The following ARMCX4 variants were observed in gnomAD, a reference collection of about 807,000 sequenced individuals.
The protein encoded by ARMCX4 is armadillo repeat containing X-linked 4, also known as armadillo repeat-containing X-linked protein 4.
Under a neutral mutation model 34.7 loss-of-function variants are expected in ARMCX4, and 3 were observed. The observed-to-expected ratio is 0.09, with a 90% CI of 0.04 to 0.22. ARMCX4 has a LOEUF of 0.22. Among genes scored for constraint, ARMCX4 ranks in the 10% least tolerant of loss-of-function variants. The pLI, the probability that ARMCX4 is intolerant of heterozygous loss-of-function variation, is 1.00. For synonymous variants in ARMCX4, 513 were observed against 632.8 expected (o/e 0.81, Z 2.84); for missense variants, 1,448 against 1,720.8 (o/e 0.84, Z 2.81).
chrX:101,425,506 G>C (rs1281970175), intron 2 of ARMCX4, among the ~76,000 whole-genome samples: 1 of 107,954 alleles, frequency 9.3e-6, no homozygotes, highest in Non-Finnish European at 1.9e-5. Context: ...CAATTTTCCT[G>C]CCTCAGCCTC....
In ARMCX4 at chrX:101,430,086, T is replaced by G. The variant is rs571794331; in HGVS notation, n.164+11086T>G. On this transcript the variant is annotated intron_variant and non_coding_transcript_variant, in intron 2 of 3. Coordinates refer to the ARMCX4 transcript ENST00000430461. ...TGTTCTATATCTTTCCTTGAGCAGA[T>G]GTAATAAGACATTACAGACATCTGA... Among the ~76,000 whole-genome samples the G allele has an allele frequency of 7.0e-4, 78 of 111,971 alleles. 1 individual carries two copies. In the South Asian group the frequency reaches 0.028, roughly 40 times the overall value.
chrX:101,444,087 A>G, exon 3 of ARMCX4: 1 of 339,814 alleles, frequency 2.9e-6, no homozygotes, highest in Admixed American at 3.1e-5. Flanking sequence ...TGTCTTTGGA[A>G]CTTTGTCTAC....
Position 101,492,305 on chromosome X carries a change from G to A in ARMCX4, c.3716G>A (p.Gly1239Asp). The change falls in exon 6 of 6, where the codon GGT becomes GAT. Residue 1239 changes from glycine to aspartate, a missense_variant. Around this residue, in one of 2 missense-constraint regions of ARMCX4, gnomAD observed 1,343 missense variants for 1,540.7 expected, o/e 0.87. Coordinates refer to ENST00000423738, the MANE Select transcript of ARMCX4 (RefSeq NM_001256155.3). ...GCCATTGGAGAGCTTTGGGCTGCGG[G>A]TCAGGCCAGTGATGGGTCCTGGCCT... The part of the protein sequence containing the change: ...NQAIGELWAA[G>D]QASDGSWPGG... The A allele has an allele frequency of 8.7e-7, 1 of 1,146,100 alleles. No individual in the cohort carries two copies. The highest frequency in any genetic ancestry group is 1.2e-6 in the Non-Finnish European group (1 of 867,854). The allele number at this position is 1,146,100 out of a possible 1,213,427, so 94.5% of individuals were successfully genotyped here.
chrX:101,488,152 A>G, intron 5 of ARMCX4, 53 bp downstream of exon 5: 1 of 499,986 alleles, frequency 2.0e-6, no homozygotes, highest in East Asian at 8.8e-5. Context: ...GGTCCAGTAG[A>G]AATCAAAGTC....
downstream of ARMCX4, among the ~76,000 whole-genome samples, chrX:101,534,259 T>A (rs1935182767): frequency 9.0e-6 from 1 of 111,348 alleles, no homozygotes; most frequent in Non-Finnish European, 1.9e-5. Context: ...GTAGAAAAAC[T>A]GGGTTGTTGG....
intron 11 of ARMCX4, among the ~76,000 whole-genome samples, chrX:101,519,619 C>T (rs1407273179): frequency 9.0e-6 from 1 of 111,624 alleles, no homozygotes; most frequent in Non-Finnish European, 1.9e-5. Context: ...GTGAATAATG[C>T]TGCAATAAAC....
At chrX:101,482,384 G>A (rs1359795653), upstream of ARMCX4, among the ~76,000 whole-genome samples, 2 of 93,896 alleles carry the variant, frequency 2.1e-5, no homozygotes, top group African/African-American at 7.7e-5. Context: ...TTCTGGGTTT[G>A]ACTATTCTTT....
At chrX:101,527,309 A>C (rs782792575) in intron 11 of ARMCX4, among the ~76,000 whole-genome samples, 116 of 112,024 alleles carry the variant, frequency 1.0e-3, no homozygotes, top group Non-Finnish European at 1.8e-3. Flanking sequence ...AACATACCAG[A>C]ATCTCTGGGA....
chrX:101,497,831 C>T (rs1455682557), downstream of ARMCX4, among the ~76,000 whole-genome samples: 1 of 111,871 alleles, frequency 8.9e-6, no homozygotes, highest in Non-Finnish European at 1.9e-5. Context: ...CATTCGATGG[C>T]CACCAACTTA....
chrX:101,428,841 G>A (rs1929790147), intron 2 of ARMCX4, among the ~76,000 whole-genome samples: 1 of 108,248 alleles, frequency 9.2e-6, no homozygotes, highest in African/African-American at 3.3e-5. Flanking sequence ...CGTATCTTTG[G>A]GCCTTCACTT....
At chrX:101,478,834 TA>T (rs1307242817) in intron 4 of ARMCX4, among the ~76,000 whole-genome samples, 1 of 111,498 alleles carries the variant, frequency 9.0e-6, no homozygotes, top group East Asian at 2.8e-4. Context: ...GAATAAATTA[TA>T]AATAGAGTGA....
intron 2 of ARMCX4, among the ~76,000 whole-genome samples, chrX:101,433,251 CACAT>C (rs1555993077): frequency 3.2e-5 from 1 of 31,241 alleles, no homozygotes; most frequent in Non-Finnish European, 1.0e-4. Flanking sequence ...TATATATACA[CACAT>C]ATATACATAT....
At position 101,442,857 on chromosome X, in the gene ARMCX4, G is replaced by A. The variant is rs951969915; in HGVS notation, n.165-1195G>A. ...TGAAATATAATCCCCAATTGGCCGG[G>A]TGTGGTGGCTCATGCCTGTAATCCC... is the stretch of plus-strand genomic sequence containing the variant. On this transcript the variant is annotated intron_variant and non_coding_transcript_variant, in intron 2 of 3. Coordinates refer to the ARMCX4 transcript ENST00000430461. Among the ~76,000 whole-genome samples, 4 of 111,665 alleles carry A rather than the reference G, an allele frequency of 3.6e-5. No individual in the cohort carries two copies. The South Asian group carries it at 1.5e-3, about 42-fold the overall frequency.
intron 4 of ARMCX4, among the ~76,000 whole-genome samples, chrX:101,458,391 A>G (rs1362419885): frequency 9.0e-6 from 1 of 111,308 alleles, no homozygotes; most frequent in Non-Finnish European, 1.9e-5. Flanking sequence ...CAAAATTGTG[A>G]TTCTAAATTA....
chrX:101,433,412 A>G (rs951374003), intron 2 of ARMCX4, among the ~76,000 whole-genome samples: 2 of 110,131 alleles, frequency 1.8e-5, no homozygotes, highest in African/African-American at 3.3e-5. Flanking sequence ...ATAAACATAT[A>G]TACCTGTATG....
At chrX:101,450,016 C>T (rs186405672), downstream of ARMCX4, among the ~76,000 whole-genome samples, 26 of 111,881 alleles carry the variant, frequency 2.3e-4, no homozygotes, top group Middle Eastern at 0.014. Flanking sequence ...CTGGATTACC[C>T]GGAAGAGACT....
intron 2 of ARMCX4, among the ~76,000 whole-genome samples, chrX:101,432,649 G>C (rs782548616): frequency 1.2e-4 from 13 of 107,569 alleles, no homozygotes; most frequent in Non-Finnish European, 9.6e-5. Context: ...AACAGAGCGA[G>C]ATTCTGTCTC....
In ARMCX4 at chrX:101,492,022, A is replaced by C. The variant is rs1250198340; in HGVS notation, c.3433A>C (p.Ser1145Arg). 8.7e-7 allele frequency: 1 copy of C among 1,152,337 alleles called. No homozygotes were observed. The highest frequency in any genetic ancestry group is 1.8e-5 in the African/African-American group (1 of 55,519). The allele number at this position is 1,152,337 out of a possible 1,213,427, so 95.0% of individuals were successfully genotyped here. Reference protein sequence around the residue: ...EASIGSWSGASDKAGIIRSWA... With the variant: ...EASIGSWSGARDKAGIIRSWA... The stretch of plus-strand genomic sequence containing the variant: ...CAGTATTGGGTCCTGGAGTGGGGCT[A>C]GTGATAAGGCTGGGATTATTCGGTC... The change falls in exon 6 of 6, where the codon AGT (serine) becomes CGT (arginine). Residue 1145 changes from serine to arginine, a missense_variant. Around this residue, in one of 2 missense-constraint regions of ARMCX4, gnomAD observed 1,343 missense variants for 1,540.7 expected, o/e 0.87. Transcript: ENST00000423738.
intron 4 of ARMCX4, among the ~76,000 whole-genome samples, chrX:101,471,493 A>G (rs148588971): frequency 8.9e-6 from 1 of 112,258 alleles, no homozygotes; most frequent in African/African-American, 3.2e-5. Flanking sequence ...GTCCCTCTGA[A>G]ACAGGTTTTA....
Sources: allele counts gnomAD v4.1 joint callset (sites outside exome capture counted in the v4.1 genomes callset), GRCh38; gene constraint gnomAD v4.1.1; regional missense constraint gnomAD v4.1.1; transcripts MANE v1.5; gene names NCBI Gene and HGNC (gene_info 2026-07-23, HGNC 2026-07-21).